Variants in TMEM232 observed in about 807,000 individuals in gnomAD.
TMEM232 encodes transmembrane protein 232.
Under a neutral mutation model 78.8 loss-of-function variants are expected in TMEM232, and 80 were observed. The ratio of observed to expected loss-of-function variants is 1.01; its 90% CI spans 0.85 to 1.22. The LOEUF is 1.22. TMEM232 is among the 50% of genes most tolerant of loss of function. TMEM232 has a pLI of 0.00. For missense variants in TMEM232, 881 were observed against 742.2 expected, an observed-to-expected ratio of 1.19 and a Z score of -2.17; for synonymous variants, 297 against 254.3, an observed-to-expected ratio of 1.17 and a Z score of -1.60.
intron 3 of TMEM232, among the ~76,000 whole-genome samples, chr5:110,393,699 G>A (rs1755283697): frequency 6.6e-6 from 1 of 152,102 alleles, no homozygotes; most frequent in African/African-American, 2.4e-5. Flanking sequence ...GCTGATGACT[G>A]TAATCCTAGC....
intron 1 of TMEM232, among the ~76,000 whole-genome samples, chr5:110,679,464 A>G (rs1792440656): frequency 6.6e-6 from 1 of 152,146 alleles, no homozygotes; most frequent in Admixed American, 6.5e-5. Flanking sequence ...GATTCCTCAC[A>G]GTCTGTGCCT....
intron 12 of TMEM232, among the ~76,000 whole-genome samples, chr5:110,473,303 T>C (rs1484195050): frequency 6.6e-6 from 1 of 151,722 alleles, no homozygotes; most frequent in Non-Finnish European, 1.5e-5. Context: ...AAAGAAGACA[T>C]ACAAATGCCC....
chr5:110,726,275 A>C (rs1798148443), intron 1 of TMEM232, among the ~76,000 whole-genome samples: 1 of 152,198 alleles, frequency 6.6e-6, no homozygotes, highest in Admixed American at 6.5e-5. Flanking sequence ...TTCTGAATTC[A>C]AGGTTGCCCC....
chr5:110,442,233 T>C (rs909960507), intron 12 of TMEM232, among the ~76,000 whole-genome samples: 45 of 151,984 alleles, frequency 3.0e-4, no homozygotes, highest in Admixed American at 2.5e-3. Flanking sequence ...CTACTTTCTC[T>C]TTAAGGCCAA....
intron 2 of TMEM232, among the ~76,000 whole-genome samples, chr5:110,405,667 AAAAG>A (rs1368641591): frequency 6.6e-6 from 1 of 151,362 alleles, no homozygotes; most frequent in Non-Finnish European, 1.5e-5. Context: ...AGTAAATTGT[AAAAG>A]AAAGATTCAA....
At chr5:110,658,274 T>C (rs759982090) in intron 2 of TMEM232, among the ~76,000 whole-genome samples, 1 of 152,134 alleles carries the variant, frequency 6.6e-6, no homozygotes. Flanking sequence ...AAAGGCTTTA[T>C]GATATGAAAC....
At chr5:110,669,640 C>G (rs953716094) in intron 1 of TMEM232, among the ~76,000 whole-genome samples, 1 of 152,170 alleles carries the variant, frequency 6.6e-6, no homozygotes, top group Non-Finnish European at 1.5e-5. Context: ...ATGAGGCCAG[C>G]ATCATCCTGA....
chr5:110,574,833 T>C (rs574483174), intron 10 of TMEM232, among the ~76,000 whole-genome samples: 4 of 152,250 alleles, frequency 2.6e-5, no homozygotes, highest in South Asian at 2.1e-4. Context: ...TTTTAATTTA[T>C]ATCCTTTCAC....
chr5:110,638,261 G>C lies in TMEM232; in HGVS notation c.438C>G (p.Tyr146Ter). The change falls in exon 5 of 14, where the codon TAC becomes TAG. Residue 146 changes from tyrosine to a stop codon, truncating the protein, a stop_gained. Transcript: ENST00000455884. LOFTEE classifies it high-confidence loss of function. ...TGAGGGATGCATCACAACACAGTCTGTATAAAACCGATTCCGCAACAAAAA... is the reference window on the plus strand; with the variant it reads ...TGAGGGATGCATCACAACACAGTCTCTATAAAACCGATTCCGCAACAAAAA... ...ALFFVAESVL[Y>*]RLCCDASLKT... The C allele has an allele frequency of 3.2e-6, 5 of 1,550,986 alleles. No individual in the cohort carries two copies. Among genetic ancestry groups the C allele is most frequent in the Non-Finnish European group, 4.4e-6 (5 of 1,146,604 alleles).
Position 110,617,928 on chromosome 5 carries a change from C to T in TMEM232, c.902+501G>A, listed in dbSNP as rs148277829. 9.5e-3 allele frequency: 1,483 copies of T among 156,916 alleles called. 34 individuals are homozygous for T. Among genetic ancestry groups the T allele is most frequent in the African/African-American group, 0.033 (1,384 of 41,542 alleles). 9.7% of individuals were successfully genotyped at this position (156,916 alleles called of 1,614,324 possible). On this transcript the variant is annotated intron_variant, in intron 8 of 13. Transcript: ENST00000455884. Reference sequence around the variant, plus strand: ...TGAGCTGGGAGGATCACTTGAGCCCCAGGGATGGAGGTTGCAGTAAGCGGA... The same window carrying T: ...TGAGCTGGGAGGATCACTTGAGCCCTAGGGATGGAGGTTGCAGTAAGCGGA...
intron 11 of TMEM232, among the ~76,000 whole-genome samples, chr5:110,537,944 T>C (rs577966837): frequency 1.2e-3 from 184 of 152,320 alleles, no homozygotes; most frequent in African/African-American, 4.1e-3. Context: ...AGGCCGCCCA[T>C]GGGGAAGCAG....
chr5:110,648,637 G>A (rs1190676953), intron 2 of TMEM232, among the ~76,000 whole-genome samples: 1 of 151,982 alleles, frequency 6.6e-6, no homozygotes, highest in Non-Finnish European at 1.5e-5. Context: ...TAGCAAAAGT[G>A]GATGTCAGCT....
Position 110,528,679 on chromosome 5 carries a change from A to C in TMEM232, c.1612T>G (p.Leu538Val). 6.5e-7 allele frequency: 1 copy of C among 1,535,250 alleles called. No homozygotes were observed. Among genetic ancestry groups the C allele is most frequent in the East Asian group, 2.5e-5 (1 of 40,788 alleles). The part of the protein sequence containing the change: ...FPPIEAHFLP[L>V]KKPSIKKDQT... The stretch of plus-strand genomic sequence containing the variant: ...TCCTTTTTTATTGATGGTTTCTTCA[A>C]AGGAAGAAAATGGGCCTCAATGGGG... The change falls in exon 12 of 14, where the codon TTG becomes GTG. Residue 538 changes from leucine (L) to valine (V), a missense_variant. Leu to Val is a conservative substitution (Grantham distance 32, BLOSUM62 1). Transcript: ENST00000455884.
chr5:110,537,277 T>TTA lies in TMEM232; in HGVS notation c.1456-8444_1456-8443dup, dbSNP rs377459137. ...GACCCTGATAATCTAAAGAGAAAACTTATATATATATATATTTTTTTTTTT... is the reference window on the plus strand; with the variant it reads ...GACCCTGATAATCTAAAGAGAAAACTTATATATATATATATATTTTTTTTTTT... On this transcript the variant is annotated intron_variant, in intron 11 of 13. Coordinates refer to ENST00000455884, the MANE Select transcript of TMEM232 (RefSeq NM_001039763.4). Among the ~76,000 whole-genome samples the TTA allele has an allele frequency of 1.0e-3, 144 of 142,544 alleles. 2 individuals are homozygous for TTA. Among genetic ancestry groups the TTA allele is most frequent in the African/African-American group, 2.6e-3 (87 of 33,138 alleles). 93.5% of individuals were successfully genotyped at this position (142,544 alleles called of 152,430 possible).
At chr5:110,495,816 TG>T (rs1456967229) in intron 12 of TMEM232, among the ~76,000 whole-genome samples, 2 of 151,508 alleles carry the variant, frequency 1.3e-5, no homozygotes, top group African/African-American at 2.4e-5. Flanking sequence ...AGTGATCTTC[TG>T]GTTTTTTTTT....
intron 12 of TMEM232, among the ~76,000 whole-genome samples, chr5:110,450,275 T>C (rs752508523): frequency 6.6e-6 from 1 of 152,164 alleles, no homozygotes; most frequent in Non-Finnish European, 1.5e-5. Flanking sequence ...AATGGACTAA[T>C]GCAATTATTT....
At chr5:110,548,259 C>T (rs1228678407) in intron 11 of TMEM232, among the ~76,000 whole-genome samples, 5 of 150,554 alleles carry the variant, frequency 3.3e-5, no homozygotes, top group East Asian at 1.9e-4. Flanking sequence ...CACACATACA[C>T]GAACACATCC....
intron 2 of TMEM232, among the ~76,000 whole-genome samples, chr5:110,656,765 G>T (rs550012249): frequency 2.0e-5 from 3 of 151,856 alleles, no homozygotes; most frequent in South Asian, 4.1e-4. Context: ...ATGAACCCAG[G>T]AGGCGGAGCT....
chr5:110,404,982 C>T (rs1755732141), intron 2 of TMEM232, among the ~76,000 whole-genome samples: 2 of 152,072 alleles, frequency 1.3e-5, no homozygotes, highest in Admixed American at 1.3e-4. Context: ...CAATAAGTTT[C>T]TCTGTCTGAA....
Sources: gnomAD v4.1 joint callset for allele counts (sites outside exome capture counted in the v4.1 genomes callset) on GRCh38, gnomAD v4.1.1 for gene constraint, MANE v1.5 for transcripts, NCBI Gene and HGNC (gene_info 2026-07-23, HGNC 2026-07-21) for gene names.